The following ATP11B variants were observed in gnomAD, a reference collection of about 807,000 sequenced individuals.
The protein encoded by ATP11B is phospholipid-transporting ATPase IF.
In ATP11B, 81 loss-of-function variants were observed where a neutral mutation model predicts 157.8. That is an observed-to-expected ratio of 0.51 (90% CI 0.43 to 0.62). The LOEUF (loss-of-function observed/expected upper bound fraction) is 0.62, where lower values mean the gene tolerates loss of function less well. Among genes scored for constraint, ATP11B ranks in the 20% least tolerant of loss-of-function variants. The pLI is 0.00. For missense variants in ATP11B, 1,165 were observed against 1,402.2 expected (o/e 0.83, Z 2.70); for synonymous variants, 451 against 469.4 (o/e 0.96, Z 0.51).
intron 1 of ATP11B, among the ~76,000 whole-genome samples, chr3:182,804,249 C>CT (rs1461126198): frequency 2.8e-5 from 4 of 144,576 alleles, no homozygotes; most frequent in Admixed American, 1.4e-4. Context: ...TTTTTTTTTT[C>CT]TTTTTTTTTC....
At chr3:182,833,983 A>G (rs983961416) in intron 4 of ATP11B, 2 of 152,240 alleles carry the variant, frequency 1.3e-5, no homozygotes, top group African/African-American at 4.8e-5. Context: ...GTAAGCATTG[A>G]GAATCACTGA....
In ATP11B at chr3:182,872,528, T is replaced by C. The variant is rs1434746791; in HGVS notation, c.2039T>C (p.Val680Ala). 6.2e-7 allele frequency: 1 copy of C among 1,606,012 alleles called. No individual in the cohort carries two copies. The highest frequency in any genetic ancestry group is 1.7e-5 in the Admixed American group (1 of 57,490). Reference protein sequence around the residue: ...KDLILLGATAVEDRLQDKVRE... With the variant: ...KDLILLGATAAEDRLQDKVRE... Reference sequence around the variant, plus strand: ...CTGATATTACTTGGAGCCACAGCAGTAGAAGACAGGTAAGTATCAGATAAT... The same window carrying C: ...CTGATATTACTTGGAGCCACAGCAGCAGAAGACAGGTAAGTATCAGATAAT... Residue 680 changes from valine (V) to alanine (A), a missense_variant, in exon 18 of 30, where the codon GTA (valine) becomes GCA (alanine). This residue lies in a region of ATP11B where 737 missense variants were observed against 930.5 expected (regional missense o/e 0.79). Coordinates refer to ENST00000323116, the MANE Select transcript of ATP11B (RefSeq NM_014616.3).
intron 29 of ATP11B, chr3:182,914,292 T>C: frequency 9.3e-7 from 1 of 1,071,590 alleles, no homozygotes; most frequent in Non-Finnish European, 1.1e-6. Context: ...TGGTACTCTT[T>C]TATGGTTTGT....
At chr3:182,803,030 T>C (rs1404588368) in intron 1 of ATP11B, among the ~76,000 whole-genome samples, 2 of 152,194 alleles carry the variant, frequency 1.3e-5, no homozygotes, top group Admixed American at 6.5e-5. Context: ...ATTCGGATTG[T>C]TGCCAATTTT....
At chr3:182,843,199 G>T (rs897576493) in intron 8 of ATP11B, among the ~76,000 whole-genome samples, 1 of 152,092 alleles carries the variant, frequency 6.6e-6, no homozygotes, top group African/African-American at 2.4e-5. Context: ...TCCAGGAAAG[G>T]GTTAATTTAA....
intron 7 of ATP11B, among the ~76,000 whole-genome samples, chr3:182,839,770 C>T (rs992809144): frequency 6.6e-6 from 1 of 151,908 alleles, no homozygotes; most frequent in Non-Finnish European, 1.5e-5. Flanking sequence ...GCCACCACAC[C>T]CTGTTAATTT....
At position 182,857,933 on chromosome 3, in the gene ATP11B, A is replaced by G; in HGVS notation, c.907A>G (p.Ile303Val). 4 of 1,590,582 alleles carry G rather than the reference A, an allele frequency of 2.5e-6. No homozygotes were observed. The highest frequency in any genetic ancestry group is 3.5e-6 in the Non-Finnish European group (4 of 1,159,298). ...YLVILISEAV[I>V]STILKYTWQA... ...AGTAATTCTTATATCTGAAGCTGTC[A>G]TCAGCACTATCTTGAAGTATACATG... The change falls in exon 11 of 30, where the codon ATC (isoleucine) becomes GTC (valine). Residue 303 changes from isoleucine to valine, a missense_variant. Ile to Val is a conservative substitution (Grantham distance 29). Transcript: ENST00000323116.
intron 3 of ATP11B, among the ~76,000 whole-genome samples, chr3:182,828,631 A>G (rs2108504607): frequency 6.6e-6 from 1 of 151,168 alleles, no homozygotes; most frequent in African/African-American, 2.4e-5. Context: ...ATTTAACTTA[A>G]ATTTAAGTTA....
In ATP11B at chr3:182,867,361, C is replaced by G. The variant is rs1241551544; in HGVS notation, c.1620-15C>G. 4.5e-6 allele frequency: 7 copies of G among 1,542,948 alleles called. No homozygotes were observed. The highest frequency in any genetic ancestry group is 5.4e-6 in the Non-Finnish European group (6 of 1,117,332). ...TATTTCTTAAGTCTCACTTTTTTATCCTTTTGATGTCTAGGATTGGTATTG... is the reference window on the plus strand; with the variant it reads ...TATTTCTTAAGTCTCACTTTTTTATGCTTTTGATGTCTAGGATTGGTATTG... On this transcript the variant is annotated splice_polypyrimidine_tract_variant and intron_variant, in intron 14 of 29. Coordinates refer to ENST00000323116, the MANE Select transcript of ATP11B (RefSeq NM_014616.3).
intron 11 of ATP11B, among the ~76,000 whole-genome samples, chr3:182,858,848 T>A (rs1720620444): frequency 6.6e-6 from 1 of 152,198 alleles, no homozygotes; most frequent in African/African-American, 2.4e-5. Context: ...GATATTATAA[T>A]TATAATTTTG....
rs1028778680 is a variant in ATP11B at position 182,822,440 on chromosome 3, C to T, written c.144+2064C>T. On this transcript the variant is annotated intron_variant, in intron 2 of 29. Coordinates refer to ENST00000323116, the MANE Select transcript of ATP11B (RefSeq NM_014616.3). ...GCTTCATCCGTGTCCCTGCAAAGGA[C>T]ATGAACTCATCCTTTTTTATGGCTG... Among the ~76,000 whole-genome samples, 7 of 152,312 alleles carry T rather than the reference C, an allele frequency of 4.6e-5. No homozygotes were observed. The East Asian group carries it at 1.4e-3, about 29-fold the overall frequency.
chr3:182,870,279 C>G (rs757839423), intron 17 of ATP11B, among the ~76,000 whole-genome samples: 3 of 152,200 alleles, frequency 2.0e-5, no homozygotes, highest in Non-Finnish European at 4.4e-5. Context: ...AAAGAGCCAT[C>G]ATTCATGTAA....
chr3:182,847,463 G>A (rs1719623689), intron 9 of ATP11B, among the ~76,000 whole-genome samples: 1 of 152,164 alleles, frequency 6.6e-6, no homozygotes, highest in African/African-American at 2.4e-5. Context: ...AGATGGGTCT[G>A]TCTTCTGTTG....
intron 1 of ATP11B, among the ~76,000 whole-genome samples, chr3:182,802,661 A>G (rs745353587): frequency 1.3e-5 from 2 of 152,070 alleles, no homozygotes; most frequent in African/African-American, 2.4e-5. Flanking sequence ...AGCTTTTTCC[A>G]GCCATTCAGT....
At chr3:182,906,781 A>T (rs949350546) in intron 28 of ATP11B, among the ~76,000 whole-genome samples, 3 of 78,018 alleles carry the variant, frequency 3.8e-5, no homozygotes, top group Admixed American at 1.4e-4. Context: ...CTGTTTTAAA[A>T]AAAAAAAAAA....
At chr3:182,902,094 T>C (rs1221474851) in intron 28 of ATP11B, among the ~76,000 whole-genome samples, 2 of 152,240 alleles carry the variant, frequency 1.3e-5, no homozygotes, top group Admixed American at 1.3e-4. Flanking sequence ...TGTAACATTA[T>C]TCCTTTGCTA....
At chr3:182,905,029 A>T (rs1724246666) in intron 28 of ATP11B, among the ~76,000 whole-genome samples, 1 of 152,144 alleles carries the variant, frequency 6.6e-6, no homozygotes, top group Non-Finnish European at 1.5e-5. Context: ...ATCTTCACAT[A>T]AACTTAGTAT....
intron 7 of ATP11B, among the ~76,000 whole-genome samples, chr3:182,838,566 G>A (rs190850138): frequency 1.2e-4 from 18 of 152,018 alleles, no homozygotes; most frequent in Admixed American, 5.9e-4. Flanking sequence ...AAGAAAACTC[G>A]TAATTATATC....
rs1358871949 is a variant in ATP11B, at chr3:182,869,099, G to A, written c.1710G>A (p.Leu570=). The A allele has an allele frequency of 6.2e-7, 1 of 1,609,342 alleles. No individual in the cohort carries two copies. Among genetic ancestry groups the A allele is most frequent in the African/African-American group, 1.3e-5 (1 of 74,728 alleles). ...TTAGGTACAAACTGCTTCATATTCTGGAATTTGATTCAGATCGTAGGAGAA... is the reference window on the plus strand; with the variant it reads ...TTAGGTACAAACTGCTTCATATTCTAGAATTTGATTCAGATCGTAGGAGAA... The part of the protein sequence containing the change: ...KLERYKLLHI[L]EFDSDRRRMS... Residue 570 remains leucine, a synonymous_variant, in exon 16 of 30, where the codon CTG becomes CTA. Coordinates refer to ENST00000323116, the MANE Select transcript of ATP11B (RefSeq NM_014616.3).
Sources: allele counts gnomAD v4.1 joint callset (sites outside exome capture counted in the v4.1 genomes callset), GRCh38; gene constraint gnomAD v4.1.1; regional missense constraint gnomAD v4.1.1; transcripts MANE v1.5; gene names NCBI Gene and HGNC (gene_info 2026-07-23, HGNC 2026-07-21).